Variants in TMPRSS11B observed in about 807,000 individuals in gnomAD.
The protein encoded by TMPRSS11B is transmembrane protease serine 11B.
A neutral mutation model predicts 44.7 loss-of-function variants in TMPRSS11B; 53 were observed. The ratio of observed to expected loss-of-function variants is 1.19; its 90% CI spans 0.95 to 1.49. The LOEUF is 1.49. TMPRSS11B is among the 40% of genes most tolerant of loss of function. The probability of loss-of-function intolerance (pLI) is 0.00; values close to 1 mark genes in which losing one functional copy is unlikely to be tolerated. For synonymous variants in TMPRSS11B, 140 were observed against 159.2 expected (o/e 0.88, Z 0.91); for missense variants, 526 against 494.8 (o/e 1.06, Z -0.60).
At position 68,231,303 on chromosome 4, in the gene TMPRSS11B, A is replaced by G. The variant is rs141105758; in HGVS notation, c.586T>C (p.Trp196Arg). Residue 196 changes from tryptophan to arginine, a missense_variant, in exon 7 of 10, where the codon TGG (tryptophan) becomes CGG (arginine). By Grantham distance (101) the Trp-to-Arg change is moderately radical. Coordinates refer to ENST00000332644, the MANE Select transcript of TMPRSS11B (RefSeq NM_182502.3). ...VNGKSSLEGAWPWQASMQWKG... is the reference protein window; with the variant it reads ...VNGKSSLEGARPWQASMQWKG... Reference sequence around the variant, plus strand: ...CATTGCATGCTGGCCTGCCATGGCCATGCCCCCTCCAGGGAGCTTTTTCCA... The same window carrying G: ...CATTGCATGCTGGCCTGCCATGGCCGTGCCCCCTCCAGGGAGCTTTTTCCA... 736 of 1,613,992 alleles carry G rather than the reference A, an allele frequency of 4.6e-4. 1 individual carries two copies. The highest frequency in any genetic ancestry group is 1.7e-3 in the Middle Eastern group (10 of 5,994).
Position 68,229,357 on chromosome 4 carries a change from A to G in TMPRSS11B, c.846T>C (p.Phe282=). The G allele has an allele frequency of 6.2e-7, 1 of 1,614,100 alleles. No individual in the cohort carries two copies. Among genetic ancestry groups the G allele is most frequent in the Non-Finnish European group, 8.5e-7 (1 of 1,179,968 alleles). The change falls in exon 8 of 10, where the codon TTT becomes TTC. Residue 282 remains phenylalanine (F), a synonymous_variant. Transcript: ENST00000332644. ...GACAAATCTTACGAATGTACTCTGTAAAAGAAACTTCTTCAGCAAGCTGCA... is the reference window on the plus strand; with the variant it reads ...GACAAATCTTACGAATGTACTCTGTGAAAGAAACTTCTTCAGCAAGCTGCA... ...ALVQLAEEVS[F]TEYIRKICLP...
At chr4:68,245,388 A>G (rs1286467961) in intron 1 of TMPRSS11B, among the ~76,000 whole-genome samples, 163 bp downstream of exon 1, 1 of 152,102 alleles carries the variant, frequency 6.6e-6, no homozygotes, top group Non-Finnish European at 1.5e-5. Flanking sequence ...TTTCCCAGAG[A>G]CTTCAAAGGG....
rs183019425 is a variant in TMPRSS11B at position 68,239,253 on chromosome 4, C to T, written c.124+2436G>A. On this transcript the variant is annotated intron_variant, in intron 2 of 9. Transcript: ENST00000332644. ...AAAGAGAGACCAGATCTCTCTTGCGCGCTCTCTCTCGCGCGCGCGCTCTCT... is the reference window on the plus strand; with the variant it reads ...AAAGAGAGACCAGATCTCTCTTGCGTGCTCTCTCTCGCGCGCGCGCTCTCT... Among the ~76,000 whole-genome samples the T allele has an allele frequency of 1.2e-4, 18 of 149,048 alleles. No homozygotes were observed. In the East Asian group the frequency reaches 3.1e-3, roughly 26 times the overall value.
chr4:68,227,875 G>A lies in TMPRSS11B; in HGVS notation c.*36C>T. On this transcript the variant is annotated 3_prime_UTR_variant, in exon 10 of 10. Coordinates refer to ENST00000332644, the MANE Select transcript of TMPRSS11B (RefSeq NM_182502.3). ...AAGCCACAGATAAGGATAGCCTACA[G>A]TGGTCTTTATGTTCCTTTGTATAAT... 1 of 1,533,178 alleles carries A rather than the reference G, an allele frequency of 6.5e-7. No homozygotes were observed. Among genetic ancestry groups the A allele is most frequent in the South Asian group, 1.3e-5 (1 of 74,148 alleles). 95.0% of individuals were successfully genotyped at this position (1,533,178 alleles called of 1,614,324 possible).
Position 68,228,008 on chromosome 4 carries a change from A to T in TMPRSS11B, c.1154T>A (p.Val385Glu), listed in dbSNP as rs779195704. ...TTTACCACATCCATCACCCCAGCTT[A>T]CTATTCCAACAAGATGCCAGATATT... ...SRNIWHLVGI[V>E]SWGDGCGKKN... The change falls in exon 10 of 10, where the codon GTA (valine) becomes GAA (glutamate). Residue 385 changes from valine (V) to glutamate (E), a missense_variant. Coordinates refer to ENST00000332644, the MANE Select transcript of TMPRSS11B (RefSeq NM_182502.3). The T allele has an allele frequency of 6.2e-7, 1 of 1,613,906 alleles. No individual in the cohort carries two copies. Among genetic ancestry groups the T allele is most frequent in the Admixed American group, 1.7e-5 (1 of 59,974 alleles).
At chr4:68,233,724 A>G (rs1397261754) in intron 5 of TMPRSS11B, among the ~76,000 whole-genome samples, 1 of 152,052 alleles carries the variant, frequency 6.6e-6, no homozygotes, top group African/African-American at 2.4e-5. Flanking sequence ...TTTTTTCTTT[A>G]AAAGTGGTAT....
At chr4:68,229,783 C>A (rs1719458680) in intron 7 of TMPRSS11B, 1 of 288,944 alleles carries the variant, frequency 3.5e-6, no homozygotes. Context: ...TCAGTTCCAT[C>A]CAGTTTCTGA....
intron 4 of TMPRSS11B, among the ~76,000 whole-genome samples, chr4:68,235,267 A>G (rs1393484629): frequency 1.3e-5 from 2 of 152,246 alleles, no homozygotes; most frequent in South Asian, 4.1e-4. Flanking sequence ...TAAAATATCC[A>G]TAATTTCACT....
intron 2 of TMPRSS11B, among the ~76,000 whole-genome samples, chr4:68,238,545 A>T (rs1488359586): frequency 1.4e-5 from 2 of 143,448 alleles, no homozygotes; most frequent in East Asian, 4.4e-4. Flanking sequence ...CAACATGGTG[A>T]AACCCCATCT....
In TMPRSS11B at chr4:68,231,249, G is replaced by C. The variant is rs900053363; in HGVS notation, c.640C>G (p.Leu214Val). 1 of 1,613,450 alleles carries C rather than the reference G, an allele frequency of 6.2e-7. No individual in the cohort carries two copies. Among genetic ancestry groups the C allele is most frequent in the Admixed American group, 1.7e-5 (1 of 59,940 alleles). Residue 214 changes from leucine (L) to valine (V), a missense_variant, in exon 7 of 10, where the codon CTG (leucine) becomes GTG (valine). By Grantham distance (32) the Leu-to-Val change is conservative (BLOSUM62 1). Coordinates refer to ENST00000332644, the MANE Select transcript of TMPRSS11B (RefSeq NM_182502.3). ...WKGRHYCGAS[L>V]ISSRWLLSAA... ...GATAATAGCCACCTGCTGCTGATCA[G>C]AGAGGCTCCACAGTAGTGACGGCCT...
chr4:68,243,686 C>T (rs1719927910), intron 1 of TMPRSS11B, among the ~76,000 whole-genome samples: 1 of 152,084 alleles, frequency 6.6e-6, no homozygotes, highest in South Asian at 2.1e-4. Context: ...TAAAAGTGCA[C>T]TGTGACAGTA....
chr4:68,228,821 G>A lies in TMPRSS11B; in HGVS notation c.1010C>T (p.Ala337Val). 6.2e-7 allele frequency: 1 copy of A among 1,613,696 alleles called. No homozygotes were observed. The highest frequency in any genetic ancestry group is 8.5e-7 in the Non-Finnish European group (1 of 1,179,798). The change falls in exon 9 of 10, where the codon GCC becomes GTC. Residue 337 changes from alanine (A) to valine (V), a missense_variant. Ala to Val is a moderately conservative substitution (Grantham distance 64). Coordinates refer to ENST00000332644, the MANE Select transcript of TMPRSS11B (RefSeq NM_182502.3). ...CACAAAGCCAGAGTATGCATATGAG[G>A]CATTGCAAATTTTGTTGTCAATAAT... ...LKIIDNKICN[A>V]SYAYSGFVTD...
Position 68,236,011 on chromosome 4 carries a change from A to G in TMPRSS11B, c.299T>C (p.Ile100Thr), listed in dbSNP as rs1268320388. Residue 100 changes from isoleucine to threonine, a missense_variant, in exon 4 of 10, where the codon ATC (isoleucine) becomes ACC (threonine). By Grantham distance (89) the Ile-to-Thr change is moderately conservative. Transcript: ENST00000332644. ...ATGAACTTGTACTTACAGAAGTTTG[A>G]TGACCTCAGATTTGACATATTCCTT... is the stretch of plus-strand genomic sequence containing the variant. ...IYKEYVKSEV[I>T]KLLPNANGSN... 6.4e-7 allele frequency: 1 copy of G among 1,566,504 alleles called. No individual in the cohort carries two copies. Among genetic ancestry groups the G allele is most frequent in the Middle Eastern group, 2.2e-4 (1 of 4,620 alleles).
At chr4:68,241,605 T>G (rs762061884) in intron 2 of TMPRSS11B, 84 bp downstream of exon 2, 10 of 814,412 alleles carry the variant, frequency 1.2e-5, no homozygotes, top group Non-Finnish European at 1.8e-5. Context: ...CAAGAAGAAA[T>G]TTAATGTTCA....
At chr4:68,233,105 G>A (rs141534984) in intron 5 of TMPRSS11B, among the ~76,000 whole-genome samples, 3 of 152,050 alleles carry the variant, frequency 2.0e-5, no homozygotes, top group Non-Finnish European at 2.9e-5. Flanking sequence ...AGGAGAAGAG[G>A]AGGAAACTAA....
chr4:68,229,388 G>A lies in TMPRSS11B; in HGVS notation c.815C>T (p.Ala272Val). Residue 272 changes from alanine to valine, a missense_variant, in exon 8 of 10, where the codon GCC (alanine) becomes GTC (valine). By Grantham distance (64) the Ala-to-Val change is moderately conservative. Coordinates refer to ENST00000332644, the MANE Select transcript of TMPRSS11B (RefSeq NM_182502.3). Reference sequence around the variant, plus strand: ...AACTTCTTCAGCAAGCTGCACAAGGGCAATATCATCATGAAGCCCAGGACT... The same window carrying A: ...AACTTCTTCAGCAAGCTGCACAAGGACAATATCATCATGAAGCCCAGGACT... ...YSSPGLHDDI[A>V]LVQLAEEVSF... is the part of the protein sequence containing the mutation. 1 of 1,613,986 alleles carries A rather than the reference G, an allele frequency of 6.2e-7. No homozygotes were observed. Among genetic ancestry groups the A allele is most frequent in the Non-Finnish European group, 8.5e-7 (1 of 1,179,966 alleles).
chr4:68,240,149 T>C (rs1719784185), intron 2 of TMPRSS11B, among the ~76,000 whole-genome samples: 1 of 152,164 alleles, frequency 6.6e-6, no homozygotes. Context: ...AATGAGGGAT[T>C]ACAATAGCTG....
intron 7 of TMPRSS11B, among the ~76,000 whole-genome samples, chr4:68,230,354 G>A (rs1208136273): frequency 6.6e-6 from 1 of 152,044 alleles, no homozygotes; most frequent in African/African-American, 2.4e-5. Flanking sequence ...TACTATCTTT[G>A]TAATACGTGT....
At chr4:68,234,321 G>A in intron 5 of TMPRSS11B, 142 bp downstream of exon 5, 1 of 747,068 alleles carries the variant, frequency 1.3e-6, no homozygotes, top group Non-Finnish European at 2.1e-6. Flanking sequence ...CCACTACCAA[G>A]TCATTGCTAG....
Sources: allele counts gnomAD v4.1 joint callset (sites outside exome capture counted in the v4.1 genomes callset), GRCh38; gene constraint gnomAD v4.1.1; transcripts MANE v1.5; gene names NCBI Gene and HGNC (gene_info 2026-07-23, HGNC 2026-07-21).